Variants in NID1 observed in about 807,000 individuals in gnomAD.
The protein encoded by NID1 is nidogen-1.
In NID1, 76 loss-of-function variants were observed where a neutral mutation model predicts 130.6. The ratio of observed to expected loss-of-function variants is 0.58; its 90% CI spans 0.48 to 0.70. The LOEUF is 0.70. Among genes scored for constraint, NID1 ranks in the 30% least tolerant of loss-of-function variants. The pLI is 0.00. For missense variants in NID1, 1,517 were observed against 1,664.8 expected, an observed-to-expected ratio of 0.91 and a Z score of 1.54; for synonymous variants, 665 against 675.1, an observed-to-expected ratio of 0.98 and a Z score of 0.23.
At chr1:236,013,275 AACACATTT>A (rs1658485054) in intron 11 of NID1, 128 bp downstream of exon 11, 2 of 938,724 alleles carry the variant, frequency 2.1e-6, no homozygotes, top group Non-Finnish European at 3.2e-6. Context: ...TATAAAAAGC[AACACATTT>A]ACTCTGTGGA....
At chr1:236,056,887 C>T (rs1659911974) in intron 1 of NID1, among the ~76,000 whole-genome samples, 1 of 149,988 alleles carries the variant, frequency 6.7e-6, no homozygotes, top group East Asian at 1.9e-4. Flanking sequence ...TGCCCTGAGT[C>T]CAGGAAAAAA....
At chr1:236,037,067 C>G (rs956616708) in intron 5 of NID1, among the ~76,000 whole-genome samples, 10 of 152,106 alleles carry the variant, frequency 6.6e-5, no homozygotes, top group African/African-American at 2.4e-4. Context: ...GTGAACATTA[C>G]CAGGACCCCC....
chr1:235,978,722 T>C (rs1167408972), intron 19 of NID1, among the ~76,000 whole-genome samples: 2 of 152,214 alleles, frequency 1.3e-5, no homozygotes, highest in African/African-American at 2.4e-5. Flanking sequence ...AACATTGTAA[T>C]ATCCTAACCT....
chr1:236,019,478 G>A (rs951434669), intron 9 of NID1, among the ~76,000 whole-genome samples: 3 of 152,288 alleles, frequency 2.0e-5, no homozygotes, highest in Admixed American at 1.3e-4. Context: ...GAACATTTAC[G>A]CAAGGGGAAG....
chr1:236,016,502 C>T (rs769112947), intron 10 of NID1, among the ~76,000 whole-genome samples: 14 of 152,144 alleles, frequency 9.2e-5, no homozygotes, highest in African/African-American at 1.9e-4. Context: ...GAATCTTGAA[C>T]GACCAGGTCA....
chr1:236,015,008 C>T (rs112651351), intron 10 of NID1, among the ~76,000 whole-genome samples: 2 of 152,242 alleles, frequency 1.3e-5, no homozygotes, highest in Non-Finnish European at 2.9e-5. Flanking sequence ...ATCCCTTCCC[C>T]GATAATGGAT....
At chr1:236,019,077 TG>T (rs1658682674) in intron 9 of NID1, among the ~76,000 whole-genome samples, 1 of 152,246 alleles carries the variant, frequency 6.6e-6, no homozygotes, top group South Asian at 2.1e-4. Flanking sequence ...GTGCGTGTTC[TG>T]TGACGTGTTT....
intron 5 of NID1, among the ~76,000 whole-genome samples, chr1:236,034,295 A>T (rs1297955694): frequency 6.6e-6 from 1 of 151,854 alleles, no homozygotes; most frequent in Non-Finnish European, 1.5e-5. Flanking sequence ...GGTGGCGGTC[A>T]CCTATAATCC....
At chr1:236,063,153 CAA>C (rs57769010) in intron 1 of NID1, among the ~76,000 whole-genome samples, 3 of 79,694 alleles carry the variant, frequency 3.8e-5, no homozygotes, top group Admixed American at 1.2e-4. Flanking sequence ...GACTTCATCT[CAA>C]AAAAAAAAAA....
chr1:236,045,627 G>A lies in NID1; in HGVS notation c.582C>T (p.Phe194=). 1.2e-6 allele frequency: 2 copies of A among 1,614,156 alleles called. No individual in the cohort carries two copies. Among genetic ancestry groups the A allele is most frequent in the Non-Finnish European group, 1.7e-6 (2 of 1,180,034 alleles). The change falls in exon 3 of 20, where the codon TTC becomes TTT. Residue 194 remains phenylalanine (F), a synonymous_variant. Transcript: ENST00000264187. ...ACTGCAGACCATCCTCAGGATAAAG[G>A]AAAATGGCATAGGAGCTGGAATCAG... ...ASSDSSSYAI[F]LYPEDGLQFH...
At chr1:236,028,863 T>A (rs1421782424) in intron 7 of NID1, among the ~76,000 whole-genome samples, 1 of 152,124 alleles carries the variant, frequency 6.6e-6, no homozygotes, top group Non-Finnish European at 1.5e-5. Flanking sequence ...AAATGGAGAA[T>A]AAATGTAGTT....
chr1:236,016,257 T>C (rs545195431), intron 10 of NID1, among the ~76,000 whole-genome samples: 5 of 152,004 alleles, frequency 3.3e-5, no homozygotes, highest in South Asian at 4.2e-4. Context: ...ACTCAAAATA[T>C]GAGAACTGCC....
intron 3 of NID1, among the ~76,000 whole-genome samples, chr1:236,043,723 G>A (rs1049452308): frequency 1.3e-5 from 2 of 152,064 alleles, no homozygotes; most frequent in African/African-American, 2.4e-5. Flanking sequence ...GCGTGAACCC[G>A]GGAGGCAGAG....
chr1:236,054,885 G>T (rs1328487316), intron 1 of NID1, among the ~76,000 whole-genome samples: 2 of 151,828 alleles, frequency 1.3e-5, no homozygotes, highest in African/African-American at 4.8e-5. Context: ...CAAGCTATCC[G>T]CCCGCCTCAG....
At chr1:236,043,820 A>C (rs570783212) in intron 3 of NID1, among the ~76,000 whole-genome samples, 12 of 152,012 alleles carry the variant, frequency 7.9e-5, no homozygotes, top group Middle Eastern at 3.4e-3. Flanking sequence ...AAAACAACAA[A>C]AAAAGAAATC....
chr1:236,048,615 G>C lies in NID1; in HGVS notation c.525+75C>G, dbSNP rs952396736. ...ATGGTGTATAACTTATGTCAAAGCA[G>C]CACAAGGCGTGAGACCAAAGTGTAT... On this transcript the variant is annotated intron_variant, in intron 2 of 19. Coordinates refer to ENST00000264187, the MANE Select transcript of NID1 (RefSeq NM_002508.3). 14 of 1,483,228 alleles carry C rather than the reference G, an allele frequency of 9.4e-6. No individual in the cohort carries two copies. In the African/African-American group the frequency reaches 2.0e-4, roughly 21 times the overall value. The allele number at this position is 1,483,228 out of a possible 1,614,324, so 91.9% of individuals were successfully genotyped here.
chr1:235,988,665 C>T (rs745478857), intron 14 of NID1, among the ~76,000 whole-genome samples: 28 of 152,122 alleles, frequency 1.8e-4, no homozygotes, highest in Non-Finnish European at 3.7e-4. Context: ...ACGGCAGATC[C>T]GTACAATGGG....
intron 1 of NID1, among the ~76,000 whole-genome samples, chr1:236,058,883 CA>C (rs908759120): frequency 2.6e-5 from 4 of 152,120 alleles, no homozygotes; most frequent in Non-Finnish European, 4.4e-5. Flanking sequence ...GTGAGACTTG[CA>C]AAAGCAAACT....
intron 9 of NID1, among the ~76,000 whole-genome samples, chr1:236,019,140 A>G (rs1658684110): frequency 1.3e-5 from 2 of 152,242 alleles, no homozygotes; most frequent in Admixed American, 1.3e-4. Flanking sequence ...GTTCTGGAAC[A>G]AAGCCCCTCC....
Sources: gnomAD v4.1 joint callset for allele counts (sites outside exome capture counted in the v4.1 genomes callset) on GRCh38, gnomAD v4.1.1 for gene constraint, MANE v1.5 for transcripts, NCBI Gene and HGNC (gene_info 2026-07-23, HGNC 2026-07-21) for gene names.